The following CABIN1 variants were observed in gnomAD, a reference collection of about 807,000 sequenced individuals.
The protein encoded by CABIN1 is calcineurin-binding protein cabin-1.
CABIN1 carries 133 observed loss-of-function variants against 227.7 expected under a neutral mutation model. That is an observed-to-expected ratio of 0.58 (90% confidence interval 0.51 to 0.67). The LOEUF (loss-of-function observed/expected upper bound fraction) is 0.67. Ranked by LOEUF, CABIN1 falls within the 30% of genes least tolerant of loss-of-function variation. The probability of loss-of-function intolerance (pLI) is 0.00; values close to 1 mark genes in which losing one functional copy is unlikely to be tolerated. For synonymous variants in CABIN1, 1,086 were observed against 1,155.1 expected (o/e 0.94, Z 1.21); for missense variants, 2,408 against 2,852.5 (o/e 0.84, Z 3.55).
At chr22:24,169,513 G>A (rs1389613907) in intron 33 of CABIN1, among the ~76,000 whole-genome samples, 1 of 152,190 alleles carries the variant, frequency 6.6e-6, no homozygotes, top group Non-Finnish European at 1.5e-5. Context: ...GACGAGGCAT[G>A]CTGTGGGGAG....
intron 34 of CABIN1, among the ~76,000 whole-genome samples, chr22:24,172,494 C>T (rs1232204418): frequency 6.6e-6 from 1 of 152,182 alleles, no homozygotes; most frequent in African/African-American, 2.4e-5. Flanking sequence ...GCCAGCAGAT[C>T]TGCTCAAACC....
At chr22:24,016,394 G>C (rs1182773140) in intron 1 of CABIN1, among the ~76,000 whole-genome samples, 1 of 152,110 alleles carries the variant, frequency 6.6e-6, no homozygotes, top group African/African-American at 2.4e-5. Flanking sequence ...ATCAGTTGAT[G>C]GATTTTGGGT....
At chr22:24,139,733 C>G (rs2044638588) in intron 29 of CABIN1, among the ~76,000 whole-genome samples, 1 of 152,242 alleles carries the variant, frequency 6.6e-6, no homozygotes, top group South Asian at 2.1e-4. Flanking sequence ...TCTGCTCTCA[C>G]AGTCTCCTGG....
chr22:24,129,764 A>G (rs1416755861), intron 28 of CABIN1, among the ~76,000 whole-genome samples: 1 of 152,080 alleles, frequency 6.6e-6, no homozygotes, highest in African/African-American at 2.4e-5. Context: ...GGGGAGCATC[A>G]GGGGGAAAGG....
chr22:24,146,327 G>A (rs1167558358), intron 29 of CABIN1, among the ~76,000 whole-genome samples: 2 of 152,222 alleles, frequency 1.3e-5, no homozygotes, highest in Non-Finnish European at 2.9e-5. Context: ...TAGCAAACTT[G>A]TGTGGATTCT....
Position 24,072,508 on chromosome 22 carries a change from A to T in CABIN1, c.2630A>T (p.Glu877Val). ...CAGCAGCTCCAAAACCCAGCGGAGG[A>T]AGGTGCACAGGCAGTGGGTGCAGTG... ...HQQQLQNPAEEGMSETPMLPS... is the reference protein window; with the variant it reads ...HQQQLQNPAEVGMSETPMLPS... The change falls in exon 18 of 37, where the codon GAA becomes GTA. Residue 877 changes from glutamate (E) to valine (V), a missense_variant and splice_region_variant. By Grantham distance (121) the Glu-to-Val change is moderately radical. Around this residue, in one of 3 missense-constraint regions of CABIN1, gnomAD observed 1,045 missense variants for 1,168.4 expected, o/e 0.89. Coordinates refer to ENST00000263119, the MANE Select transcript of CABIN1 (RefSeq NM_012295.4). 1 of 1,614,102 alleles carries T rather than the reference A, an allele frequency of 6.2e-7. No homozygotes were observed. Among genetic ancestry groups the T allele is most frequent in the South Asian group, 1.1e-5 (1 of 91,080 alleles).
At chr22:24,057,992 T>G (rs2038927729) in intron 10 of CABIN1, among the ~76,000 whole-genome samples, 1 of 152,164 alleles carries the variant, frequency 6.6e-6, no homozygotes, top group Non-Finnish European at 1.5e-5. Context: ...AATCTTCATT[T>G]TAGTTGTTGG....
At chr22:24,077,165 A>C (rs1030025028) in intron 19 of CABIN1, among the ~76,000 whole-genome samples, 5 of 151,666 alleles carry the variant, frequency 3.3e-5, no homozygotes, top group Admixed American at 3.3e-4. Flanking sequence ...TCACAACTGC[A>C]CCCTCCCTCC....
intron 18 of CABIN1, 37 bp downstream of exon 18, chr22:24,072,547 A>G: frequency 6.2e-7 from 1 of 1,612,976 alleles, no homozygotes; most frequent in Non-Finnish European, 8.5e-7. Context: ...ATGAGCTCTG[A>G]CTCCCATGTC....
intron 34 of CABIN1, among the ~76,000 whole-genome samples, chr22:24,172,315 G>A (rs1480192364): frequency 6.6e-6 from 1 of 152,246 alleles, no homozygotes; most frequent in Non-Finnish European, 1.5e-5. Flanking sequence ...AAGCCTTATA[G>A]TAAGTAGGAA....
At chr22:24,112,724 A>G (rs1223885965) in intron 26 of CABIN1, among the ~76,000 whole-genome samples, 1 of 151,622 alleles carries the variant, frequency 6.6e-6, no homozygotes, top group Non-Finnish European at 1.5e-5. Context: ...TAATGTTTGG[A>G]CCCTAGATGA....
intron 28 of CABIN1, among the ~76,000 whole-genome samples, chr22:24,125,781 T>TC (rs958557857): frequency 4.6e-5 from 7 of 152,372 alleles, no homozygotes; most frequent in African/African-American, 1.7e-4. Context: ...CAGGTTCTTG[T>TC]CAAGCTTTAG....
intron 6 of CABIN1, among the ~76,000 whole-genome samples, chr22:24,044,201 T>C (rs1298443408): frequency 2.6e-5 from 4 of 152,232 alleles, no homozygotes; most frequent in Admixed American, 2.6e-4. Context: ...TTTAAGGAAC[T>C]AGCCCTAGCC....
intron 26 of CABIN1, among the ~76,000 whole-genome samples, chr22:24,103,798 GGGTGCCAT>G (rs2042350221): frequency 6.6e-6 from 1 of 152,180 alleles, no homozygotes; most frequent in African/African-American, 2.4e-5. Flanking sequence ...GCATGGAAAA[GGGTGCCAT>G]GGGGAAAGTC....
intron 28 of CABIN1, among the ~76,000 whole-genome samples, chr22:24,132,657 G>A (rs919914716): frequency 5.9e-5 from 9 of 152,122 alleles, no homozygotes; most frequent in African/African-American, 1.4e-4. Context: ...GCATAATCTC[G>A]GCTCACTGCA....
At chr22:24,154,272 G>T (rs2045653992) in intron 29 of CABIN1, among the ~76,000 whole-genome samples, 1 of 152,150 alleles carries the variant, frequency 6.6e-6, no homozygotes, top group Non-Finnish European at 1.5e-5. Flanking sequence ...GTGTCGCTTT[G>T]GTCCTCGTGT....
intron 22 of CABIN1, 86 bp from the exon 23 acceptor site, chr22:24,087,366 C>T: frequency 1.3e-6 from 2 of 1,554,904 alleles, no homozygotes; most frequent in Non-Finnish European, 1.7e-6. Flanking sequence ...TCCATGGGGT[C>T]CATCTGCCTG....
rs544064301 is a variant in CABIN1, at chr22:24,054,110, G to C, written c.807-763G>C. On this transcript the variant is annotated intron_variant, in intron 8 of 36. Coordinates refer to ENST00000263119, the MANE Select transcript of CABIN1 (RefSeq NM_012295.4). ...AGCAGGATTGCAGGGGGTGGTGTGA[G>C]AGGAGGCTGTGCAGCACCATGAGGC... is the stretch of plus-strand genomic sequence containing the variant. 4.6e-5 allele frequency among the ~76,000 whole-genome samples: 7 copies of C among 152,340 alleles called. No homozygotes were observed. In the South Asian group the frequency reaches 1.5e-3, roughly 32 times the overall value.
rs548654071 is a variant in CABIN1 at position 24,177,967 on chromosome 22, G to C, written c.6520-86G>C. 2.1e-4 allele frequency: 331 copies of C among 1,565,574 alleles called. No homozygotes were observed. The African/African-American group carries it at 3.7e-3, about 18-fold the overall frequency. ...GGGCAGGGGTGAGGGTGGGAGGGGG[G>C]CCTGGGGCAGGGGTGAAGGTGGCAG... is the stretch of plus-strand genomic sequence containing the variant. On this transcript the variant is annotated intron_variant, in intron 36 of 36. Coordinates refer to ENST00000263119, the MANE Select transcript of CABIN1 (RefSeq NM_012295.4). This position sits in a 1 kb window ranked among gnomAD's most constrained non-coding sequence, Gnocchi z 4.4.
Sources: gnomAD v4.1 joint callset for allele counts (sites outside exome capture counted in the v4.1 genomes callset) on GRCh38, gnomAD v4.1.1 for gene constraint, gnomAD v4.1.1 regional missense constraint, Gnocchi (gnomAD v3.1) non-coding constraint, MANE v1.5 for transcripts, NCBI Gene and HGNC (gene_info 2026-07-23, HGNC 2026-07-21) for gene names.